SHOC2: variants seen among roughly 807,000 people sequenced by gnomAD.
SHOC2 encodes the protein leucine-rich repeat protein SHOC-2.
A neutral mutation model predicts 50.2 loss-of-function variants in SHOC2; 4 were observed. That is an observed-to-expected ratio of 0.08 (90% CI 0.04 to 0.18). SHOC2 has a LOEUF of 0.18. SHOC2 is among the 10% of genes least tolerant of loss of function. SHOC2 has a pLI of 1.00. For synonymous variants in SHOC2, 218 were observed against 244.5 expected, an observed-to-expected ratio of 0.89 and a Z score of 1.01; for missense variants, 388 against 669.6, an observed-to-expected ratio of 0.58 and a Z score of 4.64.
chr10:110,935,002 C>A (rs1429270012), intron 1 of SHOC2, among the ~76,000 whole-genome samples: 1 of 152,184 alleles, frequency 6.6e-6, no homozygotes, highest in Non-Finnish European at 1.5e-5. Context: ...TCCTTCTGCA[C>A]ATATTTTATA....
At chr10:111,008,371 T>G (rs1267771328) in intron 6 of SHOC2, among the ~76,000 whole-genome samples, 1 of 151,796 alleles carries the variant, frequency 6.6e-6, no homozygotes, top group Non-Finnish European at 1.5e-5. Flanking sequence ...AATTATTTAA[T>G]AAGGTGAAAT....
chr10:111,005,847 T>C (rs1420384739), intron 5 of SHOC2, among the ~76,000 whole-genome samples: 1 of 152,236 alleles, frequency 6.6e-6, no homozygotes, highest in Non-Finnish European at 1.5e-5. Flanking sequence ...CATTTGAACA[T>C]AGTTGTGGTT....
chr10:110,930,409 T>A lies in SHOC2; in HGVS notation c.-235+10752T>A, dbSNP rs191294072. On this transcript the variant is annotated intron_variant, in intron 1 of 8. Transcript: ENST00000369452. ...AGTGAGTAATGGAAAGGATTTATAA[T>A]GAGATAGACTTAGTGAAGAAATATG... Among the ~76,000 whole-genome samples the A allele has an allele frequency of 4.6e-5, 7 of 152,264 alleles. No individual in the cohort carries two copies. In the East Asian group the frequency reaches 1.4e-3, roughly 29 times the overall value.
chr10:110,989,716 A>G (rs974031337), intron 3 of SHOC2, among the ~76,000 whole-genome samples: 1 of 152,076 alleles, frequency 6.6e-6, no homozygotes, highest in Non-Finnish European at 1.5e-5. Context: ...ACTATATTTT[A>G]TTTATCAGTG....
At chr10:110,971,998 T>C (rs1016825368) in intron 2 of SHOC2, among the ~76,000 whole-genome samples, 4 of 151,800 alleles carry the variant, frequency 2.6e-5, no homozygotes, top group Non-Finnish European at 4.4e-5. Flanking sequence ...AGATTTAATT[T>C]AACTCCTATT....
At position 110,964,289 on chromosome 10, in the gene SHOC2, C is replaced by T; in HGVS notation, c.-70C>T. 1 of 1,565,132 alleles carries T rather than the reference C, an allele frequency of 6.4e-7. No individual in the cohort carries two copies. Among genetic ancestry groups the T allele is most frequent in the Non-Finnish European group, 8.6e-7 (1 of 1,156,950 alleles). On this transcript the variant is annotated 5_prime_UTR_variant, in exon 2 of 9. Transcript: ENST00000369452. The surrounding 1 kb of genome is among the most constrained non-coding windows in gnomAD (Gnocchi z 4.9). ...TTTTGATTGTGTAGGATCTTTGTCT[C>T]TTCATCTTTGAATTCAATTACTGGA...
intron 1 of SHOC2, among the ~76,000 whole-genome samples, chr10:110,950,286 A>G (rs536013254): frequency 6.6e-6 from 1 of 152,266 alleles, no homozygotes; most frequent in East Asian, 1.9e-4. Context: ...TCCCCTGTAC[A>G]GTAGCATAAA....
rs901035216 is a variant in SHOC2, at chr10:110,925,358, G to A, written c.-235+5701G>A. 7.9e-5 allele frequency among the ~76,000 whole-genome samples: 12 copies of A among 152,244 alleles called. No individual in the cohort carries two copies. In the East Asian group the frequency reaches 1.5e-3, roughly 20 times the overall value. The stretch of plus-strand genomic sequence containing the variant: ...GTCTTGTATGATTTAAAAGTTCTCT[G>A]AACTTGAGAATTGACTAATTTTTCA... On this transcript the variant is annotated intron_variant, in intron 1 of 8. Transcript: ENST00000369452.
intron 1 of SHOC2, among the ~76,000 whole-genome samples, chr10:110,927,408 C>T (rs904680552): frequency 1.1e-4 from 17 of 152,150 alleles, no homozygotes; most frequent in Non-Finnish European, 2.1e-4. Context: ...ATTGGTTTAT[C>T]TACCATGTGC....
chr10:110,986,315 G>A (rs866909112), intron 3 of SHOC2, among the ~76,000 whole-genome samples: 5 of 152,134 alleles, frequency 3.3e-5, no homozygotes, highest in East Asian at 1.9e-4. Context: ...TTATTTTTCC[G>A]ATTGCCCATA....
At chr10:110,936,423 A>G (rs191824747) in intron 1 of SHOC2, among the ~76,000 whole-genome samples, 94 of 152,038 alleles carry the variant, frequency 6.2e-4, no homozygotes, top group African/African-American at 2.2e-3. Flanking sequence ...ATGTTTAAAC[A>G]TTGATTCCCT....
intron 2 of SHOC2, among the ~76,000 whole-genome samples, chr10:110,971,812 A>G (rs1847788032): frequency 6.6e-6 from 1 of 152,132 alleles, no homozygotes; most frequent in South Asian, 2.1e-4. Flanking sequence ...TTGACTCATC[A>G]ACATTTATTG....
intron 3 of SHOC2, among the ~76,000 whole-genome samples, chr10:110,990,159 G>A (rs556960387): frequency 3.3e-5 from 5 of 152,386 alleles, no homozygotes; most frequent in South Asian, 4.1e-4. Context: ...CGCATGGCGC[G>A]GGACTGGCAG....
chr10:110,926,884 CAAAT>C (rs1169312367), intron 1 of SHOC2, among the ~76,000 whole-genome samples: 1 of 152,060 alleles, frequency 6.6e-6, no homozygotes, highest in Non-Finnish European at 1.5e-5. Context: ...TAAGTTGAAA[CAAAT>C]AATTATCTGA....
At chr10:110,920,651 G>A (rs947565238) in intron 1 of SHOC2, among the ~76,000 whole-genome samples, 4 of 152,218 alleles carry the variant, frequency 2.6e-5, no homozygotes, top group Non-Finnish European at 5.9e-5. Flanking sequence ...CTTTGTGTGT[G>A]TGTTTAAGCC....
chr10:110,933,044 GTAGATA>G (rs1846925785), intron 1 of SHOC2, among the ~76,000 whole-genome samples: 1 of 152,078 alleles, frequency 6.6e-6, no homozygotes, highest in African/African-American at 2.4e-5. Flanking sequence ...GCTGGAAGTA[GTAGATA>G]TATTAAGTTC....
chr10:110,976,113 G>A (rs539293115), intron 2 of SHOC2, among the ~76,000 whole-genome samples: 6 of 152,070 alleles, frequency 3.9e-5, no homozygotes, highest in African/African-American at 1.2e-4. Context: ...GTTTCACCAT[G>A]TTAGCCAGGC....
At chr10:110,998,036 C>G (rs10787295) in intron 3 of SHOC2, among the ~76,000 whole-genome samples, 2 of 150,354 alleles carry the variant, frequency 1.3e-5, no homozygotes, top group Non-Finnish European at 3.0e-5. Context: ...CCTTGCTGTG[C>G]CACCCAGGCT....
chr10:110,987,593 A>T (rs1365646144), intron 3 of SHOC2, among the ~76,000 whole-genome samples: 1 of 152,214 alleles, frequency 6.6e-6, no homozygotes, highest in Non-Finnish European at 1.5e-5. Flanking sequence ...TAAATATTCT[A>T]CTAAATGTCC....
Sources: allele counts gnomAD v4.1 joint callset (sites outside exome capture counted in the v4.1 genomes callset), GRCh38; gene constraint gnomAD v4.1.1; non-coding constraint Gnocchi (gnomAD v3.1); transcripts MANE v1.5; gene names NCBI Gene and HGNC (gene_info 2026-07-23, HGNC 2026-07-21).